The following NEK8 variants were observed in gnomAD, a reference collection of about 807,000 sequenced individuals.
NEK8 encodes NIMA related kinase 8, also known as serine/threonine-protein kinase Nek8.
In NEK8, 51 loss-of-function variants were observed where a neutral mutation model predicts 77.2. That is an observed-to-expected ratio of 0.66 (90% CI 0.53 to 0.83). NEK8 has a LOEUF of 0.83. NEK8 is among the 40% of genes least tolerant of loss of function. The pLI, the probability that NEK8 is intolerant of heterozygous loss-of-function variation, is 0.00. For synonymous variants in NEK8, 365 were observed against 363.2 expected (o/e 1.00, Z -0.06); for missense variants, 787 against 909.2 (o/e 0.87, Z 1.73).
chr17:28,738,765 C>T lies in NEK8; in HGVS notation c.1299+18C>T, dbSNP rs1165651689. 1 of 1,602,106 alleles carries T rather than the reference C, an allele frequency of 6.2e-7. No individual in the cohort carries two copies. Among genetic ancestry groups the T allele is most frequent in the Non-Finnish European group, 8.6e-7 (1 of 1,169,096 alleles). On this transcript the variant is annotated intron_variant, in intron 9 of 14. Transcript: ENST00000268766. ...TCAGCCAGGTGGGTGTCACATATACCTTGGGAAGGGGAAGTCGGGGGATGG... is the reference window on the plus strand; with the variant it reads ...TCAGCCAGGTGGGTGTCACATATACTTTGGGAAGGGGAAGTCGGGGGATGG...
rs766998922 is a variant in NEK8 at position 28,737,462 on chromosome 17, A to G, written c.775A>G (p.Ile259Val). Residue 259 changes from isoleucine to valine, a missense_variant, in exon 5 of 15, where the codon ATC (isoleucine) becomes GTC (valine). By Grantham distance (29) the Ile-to-Val change is conservative. Transcript: ENST00000268766. This position sits in a 1 kb window ranked among gnomAD's most constrained non-coding sequence, Gnocchi z 4.8. Reference sequence around the variant, plus strand: ...CCACATCATGGCACAGCCCCTCTGCATCCGTGCCCTCCTCAACCTCCACAC... The same window carrying G: ...CCACATCATGGCACAGCCCCTCTGCGTCCGTGCCCTCCTCAACCTCCACAC... ...LSHIMAQPLC[I>V]RALLNLHTDV... The G allele has an allele frequency of 6.2e-7, 1 of 1,613,136 alleles. No individual in the cohort carries two copies. The highest frequency in any genetic ancestry group is 8.5e-7 in the Non-Finnish European group (1 of 1,180,010).
At chr17:28,731,386 A>G (rs1474184168) in intron 1 of NEK8, among the ~76,000 whole-genome samples, 1 of 151,648 alleles carries the variant, frequency 6.6e-6, no homozygotes. Flanking sequence ...AAAAATAAAA[A>G]AATTAGCTGG....
intron 1 of NEK8, among the ~76,000 whole-genome samples, chr17:28,733,526 T>C (rs1397647838): frequency 6.6e-6 from 1 of 152,214 alleles, no homozygotes; most frequent in Admixed American, 6.5e-5. Context: ...TTATGGAGAC[T>C]AACCACAGAA....
In NEK8 at chr17:28,734,121, T is replaced by C; in HGVS notation, c.186T>C (p.Asn62=). 6.2e-7 allele frequency: 1 copy of C among 1,614,162 alleles called. No homozygotes were observed. The highest frequency in any genetic ancestry group is 8.5e-7 in the Non-Finnish European group (1 of 1,180,012). The change falls in exon 2 of 15, where the codon AAT becomes AAC. Residue 62 remains asparagine, a synonymous_variant. Coordinates refer to ENST00000268766, the MANE Select transcript of NEK8 (RefSeq NM_178170.3). ...TCCTCAAGCTGCTCAACCACCCCAA[T>C]GTCATTGAGTACTACGAGAACTTCC... The part of the protein sequence containing the change: ...CQVLKLLNHP[N]VIEYYENFLE...
chr17:28,731,324 G>T (rs1271237403), intron 1 of NEK8, among the ~76,000 whole-genome samples: 1 of 152,056 alleles, frequency 6.6e-6, no homozygotes, highest in South Asian at 2.1e-4. Flanking sequence ...CAGGTCACGA[G>T]GTCAAGAGAT....
In NEK8 at chr17:28,734,216, G is replaced by A. The variant is rs2034338585; in HGVS notation, c.253+28G>A. 7.5e-6 allele frequency: 12 copies of A among 1,590,286 alleles called. No individual in the cohort carries two copies. In the East Asian group the frequency reaches 2.7e-4, roughly 36 times the overall value. On this transcript the variant is annotated intron_variant, in intron 2 of 14. Coordinates refer to ENST00000268766, the MANE Select transcript of NEK8 (RefSeq NM_178170.3). ...GGGCCAGCCTCCTTACAGTGGCCTG[G>A]CTGGAGGGCCTCTTACCTCTGGGAC...
intron 8 of NEK8, 113 bp from the exon 9 acceptor site, chr17:28,738,558 C>G (rs2034389973): frequency 1.1e-6 from 1 of 935,146 alleles, no homozygotes; most frequent in Non-Finnish European, 1.7e-6. Context: ...TCCCATCCTT[C>G]CAGCCCTGGT....
intron 10 of NEK8, 149 bp downstream of exon 10, chr17:28,739,350 CGACT>C (rs1457847049): frequency 4.1e-6 from 3 of 737,776 alleles, no homozygotes; most frequent in African/African-American, 1.7e-5. Flanking sequence ...TATTTTACAC[CGACT>C]ATGTGCACAC....
chr17:28,731,552 T>C (rs1381079552), intron 1 of NEK8, among the ~76,000 whole-genome samples: 2 of 151,722 alleles, frequency 1.3e-5, no homozygotes, highest in Non-Finnish European at 2.9e-5. Context: ...ATAAAAAAAA[T>C]AGAAAAATAA....
In NEK8 at chr17:28,734,846, G is replaced by A. The variant is rs886566274; in HGVS notation, c.328G>A (p.Val110Met). The A allele has an allele frequency of 1.4e-5, 23 of 1,613,692 alleles. No individual in the cohort carries two copies. The highest frequency in any genetic ancestry group is 4.0e-5 in the African/African-American group (3 of 74,904). ...LEEETILHFFVQILLALHHVH... is the reference protein window; with the variant it reads ...LEEETILHFFMQILLALHHVH... ...GGAGGAGACCATCCTGCACTTCTTC[G>A]TGCAGATCCTGCTTGCACTGCATCA... The change falls in exon 3 of 15, where the codon GTG (valine) becomes ATG (methionine). Residue 110 changes from valine (V) to methionine (M), a missense_variant. This residue lies in a region of NEK8 where 271 missense variants were observed against 365.1 expected (regional missense o/e 0.74). Transcript: ENST00000268766.
chr17:28,741,895 G>A lies in NEK8; in HGVS notation c.2051-64G>A. 1 of 1,551,698 alleles carries A rather than the reference G, an allele frequency of 6.4e-7. No individual in the cohort carries two copies. Among genetic ancestry groups the A allele is most frequent in the African/African-American group, 1.4e-5 (1 of 73,684 alleles). ...CCAGGGCCCAGTGGGAGTGGGAGGT[G>A]GGTGATGATTTCTGGAGGCACTGCC... On this transcript the variant is annotated intron_variant, in intron 14 of 14. Coordinates refer to ENST00000268766, the MANE Select transcript of NEK8 (RefSeq NM_178170.3). The surrounding 1 kb of genome is among the most constrained non-coding windows in gnomAD (Gnocchi z 4.5).
intron 2 of NEK8, 188 bp from the exon 3 acceptor site, chr17:28,734,584 T>C (rs2151731729): frequency 1.6e-6 from 1 of 607,844 alleles, no homozygotes; most frequent in Non-Finnish European, 2.9e-6. Context: ...CTAAGGAGGC[T>C]GAGGCAGGAG....
rs773075496 is a variant in NEK8, at chr17:28,737,940, G to A, written c.1011G>A (p.Val337=). ...LPMLNTEVVQ[V]AAGRTQKAGV... is the part of the protein sequence containing the mutation. ...TGCTCAACACAGAGGTGGTCCAGGT[G>A]GCAGCTGGGCGCACGCAGAAAGCCG... The change falls in exon 7 of 15, where the codon GTG becomes GTA. Residue 337 remains valine (V), a synonymous_variant. Transcript: ENST00000268766. The surrounding 1 kb of genome is among the most constrained non-coding windows in gnomAD (Gnocchi z 4.8). 8.1e-6 allele frequency: 13 copies of A among 1,612,944 alleles called. No individual in the cohort carries two copies. The East Asian group carries it at 2.5e-4, about 30-fold the overall frequency.
rs750550396 is a variant in NEK8 at position 28,739,200 on chromosome 17, C to T, written c.1416C>T (p.Ser472=). Residue 472 remains serine, a splice_region_variant and synonymous_variant, in exon 10 of 15, where the codon AGC becomes AGT. Transcript: ENST00000268766. ...RELFAWGRGD[S]GRLGLGTRES... ...TATTTGCCTGGGGCCGTGGAGACAG[C>T]GGTAAGCTCCAGCCTTTAGGCCCCA... The T allele has an allele frequency of 1.1e-5, 18 of 1,607,734 alleles. No individual in the cohort carries two copies. Among genetic ancestry groups the T allele is most frequent in the East Asian group, 6.7e-5 (3 of 44,854 alleles).
chr17:28,741,195 T>C lies in NEK8; in HGVS notation c.1850T>C (p.Met617Thr). ...VQGLEGIKMA[M>T]VACGDAFTVA... ...GGCCTTGAGGGCATCAAGATGGCAA[T>C]GGTAGCCTGTGGGGATGCCTTCACT... Residue 617 changes from methionine (M) to threonine (T), a missense_variant, in exon 13 of 15, where the codon ATG (methionine) becomes ACG (threonine). Coordinates refer to ENST00000268766, the MANE Select transcript of NEK8 (RefSeq NM_178170.3). This position sits in a 1 kb window ranked among gnomAD's most constrained non-coding sequence, Gnocchi z 4.5. 1 of 1,612,100 alleles carries C rather than the reference T, an allele frequency of 6.2e-7. No homozygotes were observed. Among genetic ancestry groups the C allele is most frequent in the Non-Finnish European group, 8.5e-7 (1 of 1,179,124 alleles).
chr17:28,741,556 C>T lies in NEK8; in HGVS notation c.2035C>T (p.Leu679Phe). The T allele has an allele frequency of 1.2e-6, 2 of 1,614,122 alleles. No homozygotes were observed. Among genetic ancestry groups the T allele is most frequent in the South Asian group, 1.1e-5 (1 of 91,086 alleles). ...CGTGTCCTGTTGCCATGGAAACACCCTCCTGGCTGTTCGATGTGAGTTGTA... is the reference window on the plus strand; with the variant it reads ...CGTGTCCTGTTGCCATGGAAACACCTTCCTGGCTGTTCGATGTGAGTTGTA... Reference protein sequence around the residue: ...TSVSCCHGNTLLAVRSVTDEP... With the variant: ...TSVSCCHGNTFLAVRSVTDEP... The change falls in exon 14 of 15, where the codon CTC (leucine) becomes TTC (phenylalanine). Residue 679 changes from leucine (L) to phenylalanine (F), a missense_variant. Physicochemically the swap from Leu to Phe is conservative, Grantham distance 22 (BLOSUM62 0). This residue lies in a region of NEK8 where 516 missense variants were observed against 544.0 expected (regional missense o/e 0.95). Coordinates refer to ENST00000268766, the MANE Select transcript of NEK8 (RefSeq NM_178170.3). This position sits in a 1 kb window ranked among gnomAD's most constrained non-coding sequence, Gnocchi z 4.5.
intron 9 of NEK8, 67 bp from the exon 10 acceptor site, chr17:28,739,017 G>A (rs2034394673): frequency 2.6e-6 from 3 of 1,150,212 alleles, no homozygotes; most frequent in Non-Finnish European, 4.0e-6. Flanking sequence ...TGTCCCTACA[G>A]GGGGTGTTGA....
intron 1 of NEK8, among the ~76,000 whole-genome samples, chr17:28,732,373 C>T (rs894147462): frequency 2.0e-5 from 3 of 151,502 alleles, no homozygotes; most frequent in Non-Finnish European, 4.4e-5. Context: ...GTGAAAGGGA[C>T]CATTTTGGAG....
chr17:28,734,041 C>T lies in NEK8; in HGVS notation c.106C>T (p.Pro36Ser), dbSNP rs1239849965. Residue 36 changes from proline (P) to serine (S), a missense_variant, in exon 2 of 15, where the codon CCA (proline) becomes TCA (serine). By Grantham distance (74) the Pro-to-Ser change is moderately conservative. Coordinates refer to ENST00000268766, the MANE Select transcript of NEK8 (RefSeq NM_178170.3). ...DQKLVIIKQI[P>S]VEQMTKEERQ... ...GAAGCTGGTGATCATCAAGCAGATTCCAGTGGAACAGATGACCAAGGAAGA... is the reference window on the plus strand; with the variant it reads ...GAAGCTGGTGATCATCAAGCAGATTTCAGTGGAACAGATGACCAAGGAAGA... 6.8e-6 allele frequency: 11 copies of T among 1,614,104 alleles called. No individual in the cohort carries two copies. Among genetic ancestry groups the T allele is most frequent in the Non-Finnish European group, 8.5e-6 (10 of 1,180,052 alleles).
Sources: allele counts gnomAD v4.1 joint callset (sites outside exome capture counted in the v4.1 genomes callset), GRCh38; gene constraint gnomAD v4.1.1; regional missense constraint gnomAD v4.1.1; non-coding constraint Gnocchi (gnomAD v3.1); transcripts MANE v1.5; gene names NCBI Gene and HGNC (gene_info 2026-07-23, HGNC 2026-07-21).